TMEM74: variants seen among roughly 807,000 people sequenced by gnomAD.
TMEM74 encodes the protein transmembrane protein 74.
TMEM74 carries 13 observed loss-of-function variants against 18.1 expected under a neutral mutation model. The observed-to-expected ratio is 0.72, with a 90% CI of 0.47 to 1.14. The LOEUF (loss-of-function observed/expected upper bound fraction) is 1.14. Ranked by LOEUF, TMEM74 falls within the 50% of genes most tolerant of loss-of-function variation. The pLI, the probability that TMEM74 is intolerant of heterozygous loss-of-function variation, is 0.00. For missense variants in TMEM74, 372 were observed against 375.9 expected, an observed-to-expected ratio of 0.99 and a Z score of 0.09; for synonymous variants, 159 against 146.6, an observed-to-expected ratio of 1.08 and a Z score of -0.61.
intron 1 of TMEM74, among the ~76,000 whole-genome samples, chr8:108,697,192 A>G (rs1283201182): frequency 6.6e-6 from 1 of 152,106 alleles, no homozygotes; most frequent in Non-Finnish European, 1.5e-5. Flanking sequence ...CCTAACTGCA[A>G]TGGTCAGTGG....
intron 2 of TMEM74, among the ~76,000 whole-genome samples, chr8:108,621,624 A>G (rs1269857047): frequency 1.3e-5 from 2 of 152,170 alleles, no homozygotes; most frequent in Non-Finnish European, 2.9e-5. Flanking sequence ...GCTTTGCTGT[A>G]TCCATGTGGA....
chr8:108,763,733 A>C (rs1360428233), intron 1 of TMEM74, among the ~76,000 whole-genome samples: 1 of 152,190 alleles, frequency 6.6e-6, no homozygotes, highest in African/African-American at 2.4e-5. Flanking sequence ...AATTAGTGAA[A>C]TTCCATATCT....
At chr8:108,653,713 A>T (rs1162689900) in intron 2 of TMEM74, among the ~76,000 whole-genome samples, 2 of 152,176 alleles carry the variant, frequency 1.3e-5, no homozygotes, top group Non-Finnish European at 2.9e-5. Context: ...AGCACAGCAC[A>T]GTGCATAAAG....
At chr8:108,717,805 G>C (rs1813541125) in intron 1 of TMEM74, among the ~76,000 whole-genome samples, 1 of 152,064 alleles carries the variant, frequency 6.6e-6, no homozygotes, top group African/African-American at 2.4e-5. Flanking sequence ...AGTGTGCCTT[G>C]AGTGGCGTAA....
chr8:108,643,804 G>A (rs375855336), intron 2 of TMEM74, among the ~76,000 whole-genome samples: 1 of 150,422 alleles, frequency 6.6e-6, no homozygotes, highest in African/African-American at 2.4e-5. Flanking sequence ...GGAGTCAAAA[G>A]ATCTCTACAA....
chr8:108,724,445 G>T (rs999094654), intron 1 of TMEM74, among the ~76,000 whole-genome samples: 6 of 152,142 alleles, frequency 3.9e-5, no homozygotes. Flanking sequence ...TACAGATGGT[G>T]CCATACAGAT....
chr8:108,752,345 C>A (rs1302071076), intron 1 of TMEM74, among the ~76,000 whole-genome samples: 7 of 152,038 alleles, frequency 4.6e-5, no homozygotes, highest in South Asian at 2.1e-4. Flanking sequence ...AGAGTAAATG[C>A]ATTATTCACC....
chr8:108,701,578 A>G (rs1263090137), intron 1 of TMEM74, among the ~76,000 whole-genome samples: 1 of 152,216 alleles, frequency 6.6e-6, no homozygotes, highest in African/African-American at 2.4e-5. Flanking sequence ...ACAAAGGTCA[A>G]TTGCTTTCCT....
rs1194233513 is a variant in TMEM74 at position 108,785,099 on chromosome 8, G to C, written c.-1C>G. On this transcript the variant is annotated 5_prime_UTR_variant, in exon 2 of 2. Transcript: ENST00000297459. ...TCTTAGCAAGGTAGTGGAGCTCCATGAGAGCTAGTCAGACATCCCCCAGCA... is the reference window on the plus strand; with the variant it reads ...TCTTAGCAAGGTAGTGGAGCTCCATCAGAGCTAGTCAGACATCCCCCAGCA... 1.9e-6 allele frequency: 3 copies of C among 1,588,788 alleles called. No homozygotes were observed. Among genetic ancestry groups the C allele is most frequent in the Non-Finnish European group, 2.6e-6 (3 of 1,169,412 alleles).
intron 1 of TMEM74, among the ~76,000 whole-genome samples, chr8:108,747,711 TC>T (rs1813863847): frequency 1.9e-5 from 1 of 52,484 alleles, no homozygotes; most frequent in African/African-American, 7.2e-5. Flanking sequence ...CTCTCCCACC[TC>T]CCACCCCCTG....
At chr8:108,759,225 A>C (rs950516584) in intron 1 of TMEM74, among the ~76,000 whole-genome samples, 1 of 152,096 alleles carries the variant, frequency 6.6e-6, no homozygotes, top group African/African-American at 2.4e-5. Flanking sequence ...TTTTTAAAAA[A>C]CACAATTATC....
At chr8:108,686,343 C>G (rs1051640947) in intron 1 of TMEM74, among the ~76,000 whole-genome samples, 6 of 151,964 alleles carry the variant, frequency 3.9e-5, no homozygotes, top group Non-Finnish European at 7.4e-5. Context: ...GGACTACAGG[C>G]ACCTGCCACC....
rs186896723 is a variant in TMEM74 at position 108,700,084 on chromosome 8, C to T, written n.120-44647G>A. On this transcript the variant is annotated intron_variant and non_coding_transcript_variant, in intron 1 of 3. Transcript: ENST00000518838. The stretch of plus-strand genomic sequence containing the variant: ...GCATAAGAGAAGCTTCAGAAAACCA[C>T]GGTTTTAAAGTATGGGAAATGGATA... Among the ~76,000 whole-genome samples the T allele has an allele frequency of 2.0e-4, 30 of 151,592 alleles. No homozygotes were observed. The East Asian group carries it at 5.1e-3, about 26-fold the overall frequency.
intron 1 of TMEM74, among the ~76,000 whole-genome samples, chr8:108,724,851 G>A (rs1412686780): frequency 6.6e-6 from 1 of 152,136 alleles, no homozygotes; most frequent in East Asian, 1.9e-4. Context: ...AGAAGCTAGA[G>A]TGATTTGACT....
chr8:108,673,619 A>G lies in TMEM74; in HGVS notation n.120-18182T>C, dbSNP rs867031687. On this transcript the variant is annotated intron_variant and non_coding_transcript_variant, in intron 1 of 3. Transcript: ENST00000518838. ...CACGTATTTTGGAGAGAGCTTTAGA[A>G]GGAAGAAAAGTGCAAAAGCAATCGA... Among the ~76,000 whole-genome samples the G allele has an allele frequency of 3.3e-4, 51 of 152,320 alleles. 1 individual carries two copies. Among genetic ancestry groups the G allele is most frequent in the South Asian group, 3.3e-3 (16 of 4,828 alleles).
At chr8:108,641,513 T>A (rs186988154) in intron 2 of TMEM74, among the ~76,000 whole-genome samples, 1 of 152,108 alleles carries the variant, frequency 6.6e-6, no homozygotes, top group African/African-American at 2.4e-5. Flanking sequence ...GTCCATGTGC[T>A]ACTATACTCT....
chr8:108,771,133 T>C (rs979519266), intron 1 of TMEM74, among the ~76,000 whole-genome samples: 1 of 152,204 alleles, frequency 6.6e-6, no homozygotes, highest in Non-Finnish European at 1.5e-5. Flanking sequence ...TAGGCATTAT[T>C]TTATTTTGTT....
intron 1 of TMEM74, among the ~76,000 whole-genome samples, chr8:108,670,437 T>A (rs142703733): frequency 8.5e-5 from 13 of 152,308 alleles, no homozygotes; most frequent in Non-Finnish European, 1.8e-4. Context: ...GAGCTTTAGA[T>A]CATCGATGGA....
intron 1 of TMEM74, among the ~76,000 whole-genome samples, chr8:108,686,354 G>A (rs1586260670): frequency 6.6e-6 from 1 of 151,374 alleles, no homozygotes; most frequent in East Asian, 1.9e-4. Context: ...ACCTGCCACC[G>A]CGCCCGGCTA....
Sources: gnomAD v4.1 joint callset for allele counts (sites outside exome capture counted in the v4.1 genomes callset) on GRCh38, gnomAD v4.1.1 for gene constraint, MANE v1.5 for transcripts, NCBI Gene and HGNC (gene_info 2026-07-23, HGNC 2026-07-21) for gene names.